The following FDFT1 variants were observed in gnomAD, a reference collection of about 807,000 sequenced individuals.
The protein encoded by FDFT1 is squalene synthase.
FDFT1 carries 68 observed loss-of-function variants against 46.8 expected under a neutral mutation model. The observed-to-expected ratio is 1.45, with a 90% CI of 1.19 to 1.78. FDFT1 has a LOEUF of 1.78. FDFT1 is among the 40% of genes most tolerant of loss of function. The pLI is 0.00. For missense variants in FDFT1, 928 were observed against 524.4 expected (o/e 1.77, Z -7.52); for synonymous variants, 351 against 185.1 (o/e 1.90, Z -7.28).
chr8:11,832,015 T>C (rs917115738), intron 7 of FDFT1, among the ~76,000 whole-genome samples: 1 of 152,178 alleles, frequency 6.6e-6, no homozygotes, highest in Non-Finnish European at 1.5e-5. Context: ...TCTGTGCTGA[T>C]GCAGTGCGTG....
intron 3 of FDFT1, among the ~76,000 whole-genome samples, chr8:11,820,878 C>G (rs1030835448): frequency 6.6e-6 from 1 of 152,350 alleles, no homozygotes; most frequent in East Asian, 1.9e-4. Context: ...GCTGCACCCA[C>G]TGTCCAACCA....
chr8:11,829,635 C>T (rs1001068318), intron 5 of FDFT1, among the ~76,000 whole-genome samples: 2 of 152,170 alleles, frequency 1.3e-5, no homozygotes, highest in Non-Finnish European at 1.5e-5. Context: ...ACAGGAGCCT[C>T]TTTAGCCTGA....
intron 1 of FDFT1, chr8:11,808,552 C>A (rs930789398): frequency 7.3e-7 from 1 of 1,365,706 alleles, no homozygotes; most frequent in Non-Finnish European, 9.4e-7. Flanking sequence ...AAGGCCATGG[C>A]CCTCTTCAAG....
intron 3 of FDFT1, among the ~76,000 whole-genome samples, chr8:11,811,086 C>T (rs529533204): frequency 6.6e-6 from 1 of 151,978 alleles, no homozygotes; most frequent in East Asian, 1.9e-4. Context: ...AAGAATAATT[C>T]GAGTTTATAC....
At chr8:11,827,197 T>C (rs1810114885) in intron 5 of FDFT1, among the ~76,000 whole-genome samples, 1 of 152,068 alleles carries the variant, frequency 6.6e-6, no homozygotes, top group Non-Finnish European at 1.5e-5. Flanking sequence ...CGGGTGAGGC[T>C]AAGTGTGGTG....
At chr8:11,809,250 C>T (rs1807364776) in intron 2 of FDFT1, 15 of 1,150,348 alleles carry the variant, frequency 1.3e-5, no homozygotes, top group Admixed American at 8.9e-5. Flanking sequence ...TTGAAGCTGC[C>T]TCTGTGCACA....
At chr8:11,816,720 G>A (rs540043401) in intron 3 of FDFT1, among the ~76,000 whole-genome samples, 1 of 152,198 alleles carries the variant, frequency 6.6e-6, no homozygotes, top group Non-Finnish European at 1.5e-5. Context: ...CATTGATTTT[G>A]TATCCTGAGA....
chr8:11,828,074 C>G (rs79973329), intron 5 of FDFT1, among the ~76,000 whole-genome samples: 1 of 151,674 alleles, frequency 6.6e-6, no homozygotes, highest in African/African-American at 2.4e-5. Context: ...TGGTGGCATA[C>G]GCTGGTAGGG....
At chr8:11,815,331 C>A (rs1372257959) in intron 3 of FDFT1, among the ~76,000 whole-genome samples, 1 of 152,142 alleles carries the variant, frequency 6.6e-6, no homozygotes, top group African/African-American at 2.4e-5. Context: ...AGTAAACATA[C>A]ATGTGCTTGT....
chr8:11,802,737 C>T, upstream of FDFT1: 1 of 942,670 alleles, frequency 1.1e-6, no homozygotes, highest in Non-Finnish European at 1.7e-6. Flanking sequence ...CCGGCCAGCC[C>T]CTCGAAGCAC....
chr8:11,798,604 A>G (rs1200392512), upstream of FDFT1, among the ~76,000 whole-genome samples: 1 of 152,236 alleles, frequency 6.6e-6, no homozygotes, highest in Non-Finnish European at 1.5e-5. Flanking sequence ...CAAAACTGAG[A>G]GGCTGTTAAC....
chr8:11,838,394 C>T lies in FDFT1; in HGVS notation c.1039C>T (p.His347Tyr), dbSNP rs1586029845. The T allele has an allele frequency of 8.1e-6, 13 of 1,612,926 alleles. No homozygotes were observed. Among genetic ancestry groups the T allele is most frequent in the Non-Finnish European group, 1.1e-5 (13 of 1,178,930 alleles). ...IIYQYMEEIY[H>Y]RIPDSDPSSS... ...TTTCCTGTGTCTTTAACAGATTTAT[C>T]ATAGAATCCCCGACTCAGACCCATC... Residue 347 changes from histidine (H) to tyrosine (Y), a missense_variant, in exon 8 of 8, where the codon CAT becomes TAT. Coordinates refer to ENST00000220584, the MANE Select transcript of FDFT1 (RefSeq NM_004462.5).
At chr8:11,796,148 T>C (rs1805542012) in intron 1 of FDFT1, 2 of 152,218 alleles carry the variant, frequency 1.3e-5, no homozygotes, top group Admixed American at 1.3e-4. Context: ...AATGCTAGGA[T>C]TTGGCAATAC....
At position 11,830,374 on chromosome 8, in the gene FDFT1, C is replaced by G; in HGVS notation, c.833C>G (p.Ser278Trp). 2 of 1,613,840 alleles carry G rather than the reference C, an allele frequency of 1.2e-6. No individual in the cohort carries two copies. Among genetic ancestry groups the G allele is most frequent in the Non-Finnish European group, 8.5e-7 (1 of 1,179,848 alleles). Residue 278 changes from serine to tryptophan, a missense_variant, in exon 6 of 8, where the codon TCG (serine) becomes TGG (tryptophan). By Grantham distance (177) the Ser-to-Trp change is radical (BLOSUM62 -3). Coordinates refer to ENST00000220584, the MANE Select transcript of FDFT1 (RefSeq NM_004462.5). ...ATCCCAGATGTCATCACCTACCTTT[C>G]GAGACTCAGAAACCAGAGTGTGTTT... Reference protein sequence around the residue: ...HHIPDVITYLSRLRNQSVFNF... With the variant: ...HHIPDVITYLWRLRNQSVFNF...
chr8:11,822,968 T>A (rs1563324612), intron 4 of FDFT1, among the ~76,000 whole-genome samples: 1 of 152,188 alleles, frequency 6.6e-6, no homozygotes, highest in Admixed American at 6.5e-5. Flanking sequence ...TAAAAAAAAT[T>A]TTTTTTGAGA....
At chr8:11,810,277 A>G (rs1466680164) in intron 3 of FDFT1, among the ~76,000 whole-genome samples, 1 of 152,202 alleles carries the variant, frequency 6.6e-6, no homozygotes, top group African/African-American at 2.4e-5. Flanking sequence ...AGGCTAGCTC[A>G]CAAAAGCCTG....
intron 3 of FDFT1, among the ~76,000 whole-genome samples, chr8:11,813,815 C>G (rs1275990922): frequency 6.6e-6 from 1 of 152,162 alleles, no homozygotes; most frequent in Non-Finnish European, 1.5e-5. Context: ...GGAAAAAGCC[C>G]TCCTGGCTCA....
chr8:11,832,427 G>T (rs1007749162), intron 7 of FDFT1, among the ~76,000 whole-genome samples: 1 of 151,666 alleles, frequency 6.6e-6, no homozygotes, highest in Admixed American at 6.6e-5. Flanking sequence ...GTGCACGCCT[G>T]TGGTCCCAGC....
intron 7 of FDFT1, among the ~76,000 whole-genome samples, chr8:11,835,286 A>T (rs538913822): frequency 2.3e-4 from 35 of 152,312 alleles, no homozygotes; most frequent in African/African-American, 7.5e-4. Flanking sequence ...GCCTTCAGGT[A>T]AATGGAGAGT....
Sources: gnomAD v4.1 joint callset for allele counts (sites outside exome capture counted in the v4.1 genomes callset) on GRCh38, gnomAD v4.1.1 for gene constraint, MANE v1.5 for transcripts, NCBI Gene and HGNC (gene_info 2026-07-23, HGNC 2026-07-21) for gene names.